DYNC1LI2: variants seen among roughly 807,000 people sequenced by gnomAD.
DYNC1LI2 encodes the protein dynein cytoplasmic 1 light intermediate chain 2, also known as cytoplasmic dynein 1 light intermediate chain 2.
Under a neutral mutation model 57.8 loss-of-function variants are expected in DYNC1LI2, and 19 were observed. The observed-to-expected ratio is 0.33, with a 90% confidence interval of 0.23 to 0.48. The LOEUF is 0.48. Among genes scored for constraint, DYNC1LI2 ranks in the 20% least tolerant of loss-of-function variants. The probability of loss-of-function intolerance (pLI) is 0.99; values close to 1 mark genes in which losing one functional copy is unlikely to be tolerated. For synonymous variants in DYNC1LI2, 256 were observed against 233.4 expected (o/e 1.10, Z -0.88); for missense variants, 470 against 604.2 (o/e 0.78, Z 2.33).
chr16:66,731,121 G>A (rs1439388448), intron 7 of DYNC1LI2: 2 of 152,174 alleles, frequency 1.3e-5, no homozygotes, highest in African/African-American at 4.8e-5. Flanking sequence ...TGTGCAAACG[G>A]GCAGGGCATG....
chr16:66,750,269 A>C (rs898070520), intron 2 of DYNC1LI2, among the ~76,000 whole-genome samples: 4 of 152,214 alleles, frequency 2.6e-5, no homozygotes, highest in African/African-American at 9.6e-5. Context: ...ATTCCTGAGA[A>C]AGGTCACACA....
Position 66,725,827 on chromosome 16 carries a change from C to T in DYNC1LI2, c.1378+1G>A. 1 of 1,612,688 alleles carries T rather than the reference C, an allele frequency of 6.2e-7. No individual in the cohort carries two copies. Among genetic ancestry groups the T allele is most frequent in the Non-Finnish European group, 8.5e-7 (1 of 1,179,532 alleles). ...CACAAGTCTCCAGGGCCCTTCTGTA[C>T]CTGACTTCTTGGCTGTGCTCTGCAC... is the stretch of plus-strand genomic sequence containing the variant. On this transcript the variant is annotated splice_donor_variant, in intron 12 of 12. Transcript: ENST00000258198. LOFTEE classifies it high-confidence loss of function.
rs776581248 is a variant in DYNC1LI2, at chr16:66,742,493, C to T, written c.474G>A (p.Glu158=). 9.3e-6 allele frequency: 15 copies of T among 1,614,166 alleles called. No homozygotes were observed. Among genetic ancestry groups the T allele is most frequent in the African/African-American group, 1.3e-5 (1 of 75,038 alleles). ...SLQKWASVLR[E]HIDKMKIPPE... is the part of the protein sequence containing the mutation. ...GTGGAATTTTCATTTTATCAATGTG[C>T]TCACGTAAAACACTAGCCCATTTCT... is the stretch of plus-strand genomic sequence containing the variant. The change falls in exon 4 of 13, where the codon GAG becomes GAA. Residue 158 remains glutamate, a synonymous_variant. Coordinates refer to ENST00000258198, the MANE Select transcript of DYNC1LI2 (RefSeq NM_006141.3).
At position 66,723,537 on chromosome 16, in the gene DYNC1LI2, A is replaced by G; in HGVS notation, c.*185T>C. 1.5e-6 allele frequency: 1 copy of G among 674,418 alleles called. No homozygotes were observed. Among genetic ancestry groups the G allele is most frequent in the African/African-American group, 1.8e-5 (1 of 55,986 alleles). 41.8% of individuals were successfully genotyped at this position (674,418 alleles called of 1,614,324 possible). ...GGTTATCCTTAACAAAGGGTCTGACATGTAACCTTCCTAAATGTGCATTTC... is the reference window on the plus strand; with the variant it reads ...GGTTATCCTTAACAAAGGGTCTGACGTGTAACCTTCCTAAATGTGCATTTC... On this transcript the variant is annotated 3_prime_UTR_variant, in exon 13 of 13. Transcript: ENST00000258198.
intron 3 of DYNC1LI2, among the ~76,000 whole-genome samples, chr16:66,746,229 T>G (rs2017933989): frequency 1.3e-5 from 2 of 152,138 alleles, no homozygotes; most frequent in Non-Finnish European, 2.9e-5. Context: ...CACTGCCCAC[T>G]ACACGTAACT....
chr16:66,742,320 G>A (rs924989829), intron 4 of DYNC1LI2, 118 bp downstream of exon 4: 17 of 1,013,258 alleles, frequency 1.7e-5, no homozygotes, highest in Non-Finnish European at 2.3e-5. Context: ...AATAAATGGT[G>A]CAAACAAAAC....
chr16:66,733,856 T>A (rs893162958), intron 6 of DYNC1LI2: 2 of 205,256 alleles, frequency 9.7e-6, no homozygotes, highest in African/African-American at 4.8e-5. Flanking sequence ...GCAGACTCTG[T>A]CTCAGAAAAA....
chr16:66,742,737 C>A (rs2017863426), intron 3 of DYNC1LI2, 69 bp from the exon 4 acceptor site: 1 of 1,508,074 alleles, frequency 6.6e-7, no homozygotes, highest in Non-Finnish European at 9.1e-7. Context: ...CAGAAACAGA[C>A]ACATCAGGAA....
chr16:66,750,737 TGAG>T (rs1443756941), intron 2 of DYNC1LI2, among the ~76,000 whole-genome samples: 1 of 152,078 alleles, frequency 6.6e-6, no homozygotes, highest in African/African-American at 2.4e-5. Flanking sequence ...CTCCCTCACT[TGAG>T]GAGAGTGAGG....
At chr16:66,733,676 G>C (rs2017679208) in intron 6 of DYNC1LI2, 1 of 153,992 alleles carries the variant, frequency 6.5e-6, no homozygotes, top group African/African-American at 2.4e-5. Flanking sequence ...CTGTACTCCA[G>C]CCTGGACGAC....
chr16:66,746,943 A>G (rs2017946165), intron 3 of DYNC1LI2, among the ~76,000 whole-genome samples: 1 of 152,210 alleles, frequency 6.6e-6, no homozygotes, highest in African/African-American at 2.4e-5. Context: ...TGTCCAAAAA[A>G]GGAAGCAAAA....
rs1316114682 is a variant in DYNC1LI2, at chr16:66,736,131, C to G, written c.643G>C (p.Gly215Arg). The G allele has an allele frequency of 6.2e-7, 1 of 1,613,938 alleles. No homozygotes were observed. Among genetic ancestry groups the G allele is most frequent in the African/African-American group, 1.3e-5 (1 of 74,870 alleles). ...SDEENVALPL[G>R]DNVLTHNLGI... ...AGGTTATGAGTCAGCACATTGTCAC[C>G]CAGAGGCAGGGCAACATTTTCTTCA... The change falls in exon 5 of 13, where the codon GGT (glycine) becomes CGT (arginine). Residue 215 changes from glycine (G) to arginine (R), a missense_variant. Physicochemically the swap from Gly to Arg is moderately radical, Grantham distance 125. Transcript: ENST00000258198.
Position 66,725,878 on chromosome 16 carries a change from G to C in DYNC1LI2, c.1328C>G (p.Ser443Cys), listed in dbSNP as rs762283465. The change falls in exon 12 of 13, where the codon TCT becomes TGT. Residue 443 changes from serine to cysteine, a missense_variant. Transcript: ENST00000258198. ...FNSLLSKKTG[S>C]PGSPGAGGVQ... Reference sequence around the variant, plus strand: ...CCCACCAGCACCAGGACTTCCAGGAGAGCCTGTCTTTTTACTCAACAGACT... The same window carrying C: ...CCCACCAGCACCAGGACTTCCAGGACAGCCTGTCTTTTTACTCAACAGACT... The C allele has an allele frequency of 1.9e-6, 3 of 1,614,054 alleles. No homozygotes were observed. The highest frequency in any genetic ancestry group is 1.3e-5 in the African/African-American group (1 of 74,904).
At chr16:66,746,918 C>T (rs556251908) in intron 3 of DYNC1LI2, among the ~76,000 whole-genome samples, 2 of 152,278 alleles carry the variant, frequency 1.3e-5, no homozygotes, top group Admixed American at 1.3e-4. Flanking sequence ...ACAGCTCTTT[C>T]CACAGTAACC....
chr16:66,727,589 T>G, intron 11 of DYNC1LI2, 99 bp downstream of exon 11: 1 of 1,121,196 alleles, frequency 8.9e-7, no homozygotes, highest in Non-Finnish European at 1.3e-6. Flanking sequence ...CTGGCTTCCA[T>G]GAGTCTCCAC....
At chr16:66,732,561 G>T in intron 6 of DYNC1LI2, 87 bp from the exon 7 acceptor site, 1 of 1,438,582 alleles carries the variant, frequency 7.0e-7, no homozygotes, top group South Asian at 1.5e-5. Flanking sequence ...CTCATAGGTT[G>T]ATCAGTTTTT....
chr16:66,745,416 T>C (rs2017917494), intron 3 of DYNC1LI2, among the ~76,000 whole-genome samples: 1 of 151,834 alleles, frequency 6.6e-6, no homozygotes, highest in Non-Finnish European at 1.5e-5. Context: ...GTGGCTGGGA[T>C]TACAGTTGTG....
At chr16:66,734,880 C>T (rs1371959346) in intron 5 of DYNC1LI2, among the ~76,000 whole-genome samples, 1 of 149,494 alleles carries the variant, frequency 6.7e-6, no homozygotes, top group African/African-American at 2.5e-5. Flanking sequence ...ACCTGTAGTC[C>T]CAGCTACTCA....
At chr16:66,742,294 A>G (rs1442520672) in intron 4 of DYNC1LI2, 144 bp downstream of exon 4, 1 of 771,816 alleles carries the variant, frequency 1.3e-6, no homozygotes, top group African/African-American at 1.8e-5. Context: ...TACTGAGTTT[A>G]CAAGAGGAAC....
Sources: gnomAD v4.1 joint callset for allele counts (sites outside exome capture counted in the v4.1 genomes callset) on GRCh38, gnomAD v4.1.1 for gene constraint, MANE v1.5 for transcripts, NCBI Gene and HGNC (gene_info 2026-07-23, HGNC 2026-07-21) for gene names.